Variants in LGALS9 observed in about 807,000 individuals in gnomAD.
LGALS9 encodes galectin 9.
Under a neutral mutation model 35.9 loss-of-function variants are expected in LGALS9, and 26 were observed. That is an observed-to-expected ratio of 0.72 (90% CI 0.53 to 1.01). The LOEUF is 1.01. Among genes scored for constraint, LGALS9 ranks in the 50% least tolerant of loss-of-function variants. LGALS9 has a pLI of 0.00. For synonymous variants in LGALS9, 149 were observed against 172.2 expected, an observed-to-expected ratio of 0.87 and a Z score of 1.06; for missense variants, 347 against 445.8, an observed-to-expected ratio of 0.78 and a Z score of 1.99.
chr17:27,645,947 C>T, intron 7 of LGALS9, 36 bp downstream of exon 7: 1 of 1,611,648 alleles, frequency 6.2e-7, no homozygotes, highest in African/African-American at 1.3e-5. Context: ...CACAGCTGCA[C>T]AGTGTCCTCC....
chr17:27,639,269 CG>C (rs1567913868), intron 2 of LGALS9, among the ~76,000 whole-genome samples: 4 of 152,142 alleles, frequency 2.6e-5, no homozygotes, highest in African/African-American at 9.7e-5. Context: ...AGGGAGGCCC[CG>C]ATCTCCCTGA....
intron 1 of LGALS9, among the ~76,000 whole-genome samples, chr17:27,632,632 G>T (rs1014417299): frequency 2.0e-5 from 3 of 152,178 alleles, no homozygotes; most frequent in Admixed American, 6.5e-5. Flanking sequence ...TGTCAAAGAG[G>T]GGATCCCAGA....
chr17:27,637,971 C>G (rs1298949628), intron 1 of LGALS9, among the ~76,000 whole-genome samples: 1 of 152,094 alleles, frequency 6.6e-6, no homozygotes, highest in South Asian at 2.1e-4. Context: ...CCTGCTGCAG[C>G]CTCCACTGCC....
At chr17:27,640,385 A>G (rs945202876) in intron 2 of LGALS9, 187 bp from the exon 3 acceptor site, 2 of 899,368 alleles carry the variant, frequency 2.2e-6, no homozygotes, top group African/African-American at 3.4e-5. Context: ...GCAAAATCCA[A>G]TAATTAAAAC....
chr17:27,646,331 G>C (rs1904936283), intron 7 of LGALS9, among the ~76,000 whole-genome samples: 1 of 152,156 alleles, frequency 6.6e-6, no homozygotes, highest in Admixed American at 6.5e-5. Context: ...CTGCGGAGGG[G>C]TTGAGGGGCA....
intron 2 of LGALS9, chr17:27,640,366 G>T: frequency 4.0e-6 from 3 of 751,256 alleles, no homozygotes; most frequent in Non-Finnish European, 6.5e-6. Flanking sequence ...AGCAAATCAT[G>T]CTGTAAAGGC....
At position 27,645,865 on chromosome 17, in the gene LGALS9, A is replaced by T; in HGVS notation, c.581A>T (p.Gln194Leu). The change falls in exon 7 of 11, where the codon CAG (glutamine) becomes CTG (leucine). Residue 194 changes from glutamine (Q) to leucine (L), a missense_variant. Gln to Leu is a moderately radical substitution (Grantham distance 113). Coordinates refer to ENST00000395473, the MANE Select transcript of LGALS9 (RefSeq NM_009587.3). ...VWPANPAPIT[Q>L]TVIHTVQSAP... ...GACCTGGTTTCTTTCTTCCAGACCC[A>T]GACAGTCATCCACACAGTGCAGAGC... 1 of 1,604,502 alleles carries T rather than the reference A, an allele frequency of 6.2e-7. No homozygotes were observed. Among genetic ancestry groups the T allele is most frequent in the Non-Finnish European group, 8.5e-7 (1 of 1,174,016 alleles).
rs78581808 is a variant in LGALS9 at position 27,645,098 on chromosome 17, G to T, written c.541-216G>T. The stretch of plus-strand genomic sequence containing the variant: ...TCCTCTCTCTCGAGAGGAACCAGTG[G>T]GGATACCCTACCCCCCAACCCCAAA... On this transcript the variant is annotated intron_variant, in intron 5 of 10. Coordinates refer to ENST00000395473, the MANE Select transcript of LGALS9 (RefSeq NM_009587.3). 8.7e-3 allele frequency: 7,089 copies of T among 817,880 alleles called. 48 individuals carry two copies. The highest frequency in any genetic ancestry group is 0.012 in the Non-Finnish European group (6,044 of 512,120). 50.7% of individuals were successfully genotyped at this position (817,880 alleles called of 1,614,324 possible).
At chr17:27,637,063 A>G (rs1188357132) in intron 1 of LGALS9, among the ~76,000 whole-genome samples, 1 of 152,162 alleles carries the variant, frequency 6.6e-6, no homozygotes, top group African/African-American at 2.4e-5. Context: ...ATTGACCTAA[A>G]GGAGATATTA....
chr17:27,639,340 T>C (rs927496538), intron 2 of LGALS9, among the ~76,000 whole-genome samples: 2 of 151,064 alleles, frequency 1.3e-5, no homozygotes, highest in African/African-American at 4.9e-5. Context: ...CCTCTCTCCC[T>C]CTCCCTCCAC....
chr17:27,640,781 A>G lies in LGALS9; in HGVS notation c.333+8A>G. 3 of 1,613,934 alleles carry G rather than the reference A, an allele frequency of 1.9e-6. No homozygotes were observed. The highest frequency in any genetic ancestry group is 8.5e-7 in the Non-Finnish European group (1 of 1,179,864). On this transcript the variant is annotated splice_region_variant and intron_variant, in intron 3 of 10. Transcript: ENST00000395473. Reference sequence around the variant, plus strand: ...CAGAGCTCAGATTTCAAGGTGAGCAAGAATCCCCTCCCCACCTCTCACCCC... The same window carrying G: ...CAGAGCTCAGATTTCAAGGTGAGCAGGAATCCCCTCCCCACCTCTCACCCC...
intron 2 of LGALS9, chr17:27,640,237 T>C: frequency 2.6e-6 from 1 of 378,752 alleles, no homozygotes; most frequent in South Asian, 2.2e-5. Flanking sequence ...GAAGGCTCTC[T>C]CTTCTAGGTG....
chr17:27,642,553 C>T, intron 4 of LGALS9: 2 of 1,136,590 alleles, frequency 1.8e-6, no homozygotes, highest in Non-Finnish European at 2.4e-6. Flanking sequence ...CTGTCCGGAA[C>T]ACCTGCCTTG....
intron 8 of LGALS9, 134 bp downstream of exon 8, chr17:27,646,722 A>T (rs1241207227): frequency 1.0e-5 from 15 of 1,442,394 alleles, no homozygotes; most frequent in Non-Finnish European, 1.4e-5. Context: ...GCTTCAAAGC[A>T]TCCCAGCGAA....
intron 3 of LGALS9, among the ~76,000 whole-genome samples, chr17:27,641,770 C>A (rs556684207): frequency 2.6e-5 from 4 of 151,938 alleles, no homozygotes; most frequent in African/African-American, 9.7e-5. Context: ...GGTCAGGAGT[C>A]CAAGACCAGC....
At position 27,640,738 on chromosome 17, in the gene LGALS9, G is replaced by C. The variant is rs1231988783; in HGVS notation, c.298G>C (p.Asp100His). Residue 100 changes from aspartate to histidine, a missense_variant, in exon 3 of 11, where the codon GAC becomes CAC. Asp to His is a moderately conservative substitution (Grantham distance 81). Transcript: ENST00000395473. ...GCCTTTCCAGAAGGGGATGCCCTTT[G>C]ACCTCTGCTTCCTGGTGCAGAGCTC... ...HMPFQKGMPF[D>H]LCFLVQSSDF... 6 of 1,614,194 alleles carry C rather than the reference G, an allele frequency of 3.7e-6. No individual in the cohort carries two copies. Among genetic ancestry groups the C allele is most frequent in the Non-Finnish European group, 5.1e-6 (6 of 1,180,030 alleles).
chr17:27,632,737 A>G (rs1248200781), intron 1 of LGALS9, among the ~76,000 whole-genome samples: 1 of 152,242 alleles, frequency 6.6e-6, no homozygotes, highest in African/African-American at 2.4e-5. Context: ...CGGACATCAG[A>G]GAGTTAAAAC....
intron 7 of LGALS9, among the ~76,000 whole-genome samples, 195 bp from the exon 8 acceptor site, chr17:27,646,352 G>A (rs1295499124): frequency 2.0e-5 from 3 of 152,190 alleles, no homozygotes; most frequent in Non-Finnish European, 4.4e-5. Context: ...GGTGACCGTG[G>A]TGTGGTCTGG....
intron 1 of LGALS9, among the ~76,000 whole-genome samples, chr17:27,632,138 A>C (rs2074399353): frequency 6.6e-6 from 1 of 152,012 alleles, no homozygotes; most frequent in Non-Finnish European, 1.5e-5. Flanking sequence ...CAGCCCCAGG[A>C]GCCCAGGAGA....
Sources: gnomAD v4.1 joint callset for allele counts (sites outside exome capture counted in the v4.1 genomes callset) on GRCh38, gnomAD v4.1.1 for gene constraint, MANE v1.5 for transcripts, NCBI Gene and HGNC (gene_info 2026-07-23, HGNC 2026-07-21) for gene names.